Variants in TBCE observed in about 807,000 individuals in gnomAD.
TBCE encodes tubulin folding cofactor E, also known as tubulin-specific chaperone E.
TBCE carries 53 observed loss-of-function variants against 77.0 expected under a neutral mutation model. The ratio of observed to expected loss-of-function variants is 0.69; its 90% CI spans 0.55 to 0.87. TBCE has a LOEUF of 0.87. Ranked by LOEUF, TBCE falls within the 40% of genes least tolerant of loss-of-function variation. The probability of loss-of-function intolerance (pLI) is 0.00; values close to 1 mark genes in which losing one functional copy is unlikely to be tolerated. For missense variants in TBCE, 624 were observed against 622.4 expected (o/e 1.00, Z -0.03); for synonymous variants, 235 against 241.3 (o/e 0.97, Z 0.24).
chr1:235,437,490 A>G lies in TBCE; in HGVS notation c.1116+16A>G, dbSNP rs751443092. The G allele has an allele frequency of 1.5e-5, 24 of 1,613,418 alleles. No individual in the cohort carries two copies. In the South Asian group the frequency reaches 2.0e-4, roughly 13 times the overall value. ...CAAATGTGAGGTGAGCACTGGCGTCATGACTAGATATTTTTTAGACTAGAA... is the reference window on the plus strand; with the variant it reads ...CAAATGTGAGGTGAGCACTGGCGTCGTGACTAGATATTTTTTAGACTAGAA... On this transcript the variant is annotated intron_variant, in intron 12 of 16. Transcript: ENST00000642610.
intron 8 of TBCE, 80 bp downstream of exon 8, chr1:235,434,360 C>T (rs1681289570): frequency 5.5e-6 from 7 of 1,270,988 alleles, no homozygotes; most frequent in Admixed American, 1.7e-5. Flanking sequence ...TTATATCTAA[C>T]CTTAATTTTT....
At chr1:235,417,953 A>AT (rs1004762513) in intron 4 of TBCE, among the ~76,000 whole-genome samples, 3 of 151,246 alleles carry the variant, frequency 2.0e-5, no homozygotes, top group Non-Finnish European at 3.0e-5. Flanking sequence ...AATTTTTGTT[A>AT]TTTTTTTTAG....
chr1:235,414,715 C>A, intron 4 of TBCE, 97 bp downstream of exon 4: 1 of 1,225,828 alleles, frequency 8.2e-7, no homozygotes, highest in Non-Finnish European at 1.2e-6. Context: ...CATGACTTTG[C>A]TCCTAAACTG....
intron 2 of TBCE, among the ~76,000 whole-genome samples, chr1:235,387,678 C>T (rs1476358214): frequency 6.6e-6 from 1 of 152,144 alleles, no homozygotes; most frequent in Non-Finnish European, 1.5e-5. Context: ...GTGGGAGTGA[C>T]CCGATTTTCC....
chr1:235,373,125 G>A (rs1677075408), intron 1 of TBCE, among the ~76,000 whole-genome samples: 1 of 151,966 alleles, frequency 6.6e-6, no homozygotes, highest in South Asian at 2.1e-4. Context: ...GAGCCCAGGA[G>A]TTAAAGACCA....
intron 5 of TBCE, among the ~76,000 whole-genome samples, chr1:235,426,409 CTG>C (rs1376657371): frequency 1.3e-5 from 2 of 152,160 alleles, no homozygotes; most frequent in Non-Finnish European, 2.9e-5. Flanking sequence ...CTTCTCTGCC[CTG>C]TAGATGCTAT....
intron 2 of TBCE, among the ~76,000 whole-genome samples, chr1:235,400,408 C>CTTCTTTTTTTTTTTTTTT (rs150764928): frequency 3.8e-5 from 4 of 106,048 alleles, no homozygotes; most frequent in African/African-American, 1.7e-4. Flanking sequence ...TATTTTTCCT[C>CTTCTTTTTTTTTTTTTTT]TTTTTTTTTT....
At position 235,436,392 on chromosome 1, in the gene TBCE, A is replaced by G; in HGVS notation, c.840A>G (p.Glu280=). Residue 280 remains glutamate, a synonymous_variant, in exon 10 of 17, where the codon GAA becomes GAG. Transcript: ENST00000642610. ...TGTACATTTTGAATTTCAGGTTAGA[A>G]CAATTAATCCTCTCTGACACTGGAA... The part of the protein sequence containing the change: ...LYLIAHLPRL[E]QLILSDTGIS... 6.2e-7 allele frequency: 1 copy of G among 1,613,838 alleles called. No homozygotes were observed. Among genetic ancestry groups the G allele is most frequent in the African/African-American group, 1.3e-5 (1 of 75,058 alleles).
At chr1:235,441,697 T>A (rs1681887108) in intron 13 of TBCE, 117 bp from the exon 14 acceptor site, 1 of 899,808 alleles carries the variant, frequency 1.1e-6, no homozygotes, top group East Asian at 2.6e-5. Flanking sequence ...GCTCCATGTG[T>A]CCTGGGAAAG....
At chr1:235,445,921 G>A (rs1049986064) in intron 15 of TBCE, among the ~76,000 whole-genome samples, 1 of 152,166 alleles carries the variant, frequency 6.6e-6, no homozygotes. Flanking sequence ...GTGTGTCACC[G>A]AGGAGAGTGA....
rs532569897 is a variant in TBCE, at chr1:235,436,145, C to T, written c.834-241C>T. ...TAGACCGTGTCTCTTTCCTCTGAGA[C>T]GCATTTAGCACCTGACATAGCAGTA... On this transcript the variant is annotated intron_variant, in intron 9 of 16. Coordinates refer to ENST00000642610, the MANE Select transcript of TBCE (RefSeq NM_003193.5). The T allele has an allele frequency of 9.5e-4, 568 of 600,674 alleles. 1 individual carries two copies. Among genetic ancestry groups the T allele is most frequent in the Non-Finnish European group, 1.5e-3 (509 of 339,770 alleles). 37.2% of individuals were successfully genotyped at this position (600,674 alleles called of 1,614,324 possible). A position where few individuals can be genotyped will look rare whatever the true frequency, so the allele number is the denominator to read the frequency against.
At chr1:235,403,893 A>G (rs950338036) in intron 3 of TBCE, among the ~76,000 whole-genome samples, 9 of 152,242 alleles carry the variant, frequency 5.9e-5, no homozygotes, top group African/African-American at 1.7e-4. Context: ...CTTTTAGGCT[A>G]TAAACCTGTA....
At chr1:235,436,481 C>G in intron 10 of TBCE, 31 bp downstream of exon 10, 1 of 1,609,862 alleles carries the variant, frequency 6.2e-7, no homozygotes, top group Non-Finnish European at 8.5e-7. Flanking sequence ...TCCCCACTGC[C>G]CCCCCACACT....
intron 3 of TBCE, among the ~76,000 whole-genome samples, chr1:235,403,052 A>G (rs564562928): frequency 6.6e-6 from 1 of 152,272 alleles, no homozygotes; most frequent in East Asian, 1.9e-4. Context: ...TTAGAAAGTC[A>G]GGGTGTTCTT....
intron 2 of TBCE, among the ~76,000 whole-genome samples, chr1:235,398,351 G>A (rs1678873987): frequency 6.6e-6 from 1 of 151,656 alleles, no homozygotes; most frequent in African/African-American, 2.4e-5. Flanking sequence ...TTGCCATGTT[G>A]GTCAGGCTGG....
intron 3 of TBCE, among the ~76,000 whole-genome samples, chr1:235,408,499 AGGT>A (rs1191380328): frequency 1.4e-5 from 2 of 146,776 alleles, no homozygotes; most frequent in Admixed American, 1.3e-4. Context: ...CTGTTCAAAA[AGGT>A]GGTAGCTCTG....
chr1:235,387,162 T>C lies in TBCE; in HGVS notation c.100+7013T>C, dbSNP rs543465444. Among the ~76,000 whole-genome samples the C allele has an allele frequency of 1.1e-4, 17 of 152,334 alleles. No individual in the cohort carries two copies. The East Asian group carries it at 3.1e-3, about 28-fold the overall frequency. On this transcript the variant is annotated intron_variant, in intron 2 of 16. Coordinates refer to ENST00000642610, the MANE Select transcript of TBCE (RefSeq NM_003193.5). ...TGTCTGATCGTTCCTCTGGAAGTTTTGTCTCAGAGGAGTACCCGGCCGTGT... is the reference window on the plus strand; with the variant it reads ...TGTCTGATCGTTCCTCTGGAAGTTTCGTCTCAGAGGAGTACCCGGCCGTGT...
intron 8 of TBCE, among the ~76,000 whole-genome samples, chr1:235,435,355 C>T (rs1335314697): frequency 6.6e-6 from 1 of 152,216 alleles, no homozygotes; most frequent in Non-Finnish European, 1.5e-5. Context: ...CCCGCCTCGG[C>T]CTCCCGAAGT....
chr1:235,412,716 T>C (rs1217261198), intron 3 of TBCE, among the ~76,000 whole-genome samples: 1 of 152,234 alleles, frequency 6.6e-6, no homozygotes, highest in Non-Finnish European at 1.5e-5. Flanking sequence ...TGATCATCAC[T>C]GTGAACCCAC....
Sources: gnomAD v4.1 joint callset for allele counts (sites outside exome capture counted in the v4.1 genomes callset) on GRCh38, gnomAD v4.1.1 for gene constraint, MANE v1.5 for transcripts, NCBI Gene and HGNC (gene_info 2026-07-23, HGNC 2026-07-21) for gene names.